Variants in TRIM50 observed in about 807,000 individuals in gnomAD.
TRIM50 encodes the protein E3 ubiquitin-protein ligase TRIM50.
In TRIM50, 34 loss-of-function variants were observed where a neutral mutation model predicts 44.9. The observed-to-expected ratio is 0.76, with a 90% CI of 0.58 to 1.01. TRIM50 has a LOEUF of 1.01. Ranked by LOEUF, TRIM50 falls within the 50% of genes least tolerant of loss-of-function variation. The pLI is 0.00. For synonymous variants in TRIM50, 307 were observed against 291.1 expected (o/e 1.05, Z -0.56); for missense variants, 633 against 663.7 (o/e 0.95, Z 0.51).
chr7:73,324,173 C>T (rs532814288), intron 2 of TRIM50, among the ~76,000 whole-genome samples: 5 of 152,152 alleles, frequency 3.3e-5, no homozygotes, highest in East Asian at 1.9e-4. Context: ...GGGGTGAGCA[C>T]GTGACACCAG....
chr7:73,316,460 C>T (rs1804360223), intron 6 of TRIM50, 105 bp downstream of exon 6: 2 of 1,482,058 alleles, frequency 1.3e-6, no homozygotes, highest in Non-Finnish European at 1.8e-6. Flanking sequence ...CTCCACAAAC[C>T]TCCATCTGAG....
Position 73,313,786 on chromosome 7 carries a change from C to G in TRIM50, c.875-276G>C, listed in dbSNP as rs550685395. Among the ~76,000 whole-genome samples, 7 of 152,266 alleles carry G rather than the reference C, an allele frequency of 4.6e-5. No homozygotes were observed. Among genetic ancestry groups the G allele is most frequent in the African/African-American group, 1.4e-4 (6 of 41,562 alleles). ...AAAACAGTGTTTATATAAAAGGGAG[C>G]AGCTTGGTGGGCTGTGGGGGGCTGA... On this transcript the variant is annotated intron_variant, in intron 6 of 6. Transcript: ENST00000333149. The surrounding 1 kb of genome is among the most constrained non-coding windows in gnomAD (Gnocchi z 4.9).
intron 6 of TRIM50, among the ~76,000 whole-genome samples, chr7:73,315,437 C>T (rs1162654065): frequency 6.6e-6 from 1 of 151,522 alleles, no homozygotes; most frequent in South Asian, 2.1e-4. Flanking sequence ...TAGCTCACTG[C>T]AGCCTCCCAA....
In TRIM50 at chr7:73,327,972, G is replaced by A. The variant is rs1804681221; in HGVS notation, c.-91C>T. The A allele has an allele frequency of 1.8e-6, 1 of 562,762 alleles. No homozygotes were observed. The highest frequency in any genetic ancestry group is 3.2e-6 in the Non-Finnish European group (1 of 313,150). The allele number at this position is 562,762 out of a possible 1,614,324, so 34.9% of individuals were successfully genotyped here. ...AGTTAGATGCCCCATCCTGCCCCGCGAGCTCCAATTACGTGCCCCACCTAA... is the reference window on the plus strand; with the variant it reads ...AGTTAGATGCCCCATCCTGCCCCGCAAGCTCCAATTACGTGCCCCACCTAA... On this transcript the variant is annotated 5_prime_UTR_variant, in exon 1 of 7. Transcript: ENST00000333149.
Position 73,312,862 on chromosome 7 carries a change from C to G in TRIM50, c.*59G>C. 1.5e-6 allele frequency: 2 copies of G among 1,370,000 alleles called. No homozygotes were observed. The highest frequency in any genetic ancestry group is 9.7e-7 in the Non-Finnish European group (1 of 1,031,916). The allele number at this position is 1,370,000 out of a possible 1,614,324, so 84.9% of individuals were successfully genotyped here. On this transcript the variant is annotated 3_prime_UTR_variant, in exon 7 of 7. Transcript: ENST00000333149. ...CCTCAGGCGGGACCCAGCAGAAGCC[C>G]GCGAGTCCCCGGTGCCCCGCCGGGA...
intron 1 of TRIM50, among the ~76,000 whole-genome samples, chr7:73,326,299 C>T (rs1804624586): frequency 6.6e-6 from 1 of 150,386 alleles, no homozygotes; most frequent in South Asian, 2.1e-4. Context: ...ACAGGGGTCT[C>T]GCTTTGTTGC....
intron 3 of TRIM50, among the ~76,000 whole-genome samples, 178 bp from the exon 4 acceptor site, chr7:73,319,230 C>G (rs1554544706): frequency 6.6e-6 from 1 of 152,210 alleles, no homozygotes. Flanking sequence ...GGAGCCCTGG[C>G]GGTGGCCGTG....
chr7:73,318,422 C>T (rs1161556549), intron 5 of TRIM50, among the ~76,000 whole-genome samples: 6 of 152,338 alleles, frequency 3.9e-5, no homozygotes, highest in African/African-American at 1.4e-4. Context: ...CAGGCATGAG[C>T]TACCCTCCTC....
In TRIM50 at chr7:73,324,373, C is replaced by A; in HGVS notation, c.399+16G>T. 2 of 1,614,016 alleles carry A rather than the reference C, an allele frequency of 1.2e-6. No individual in the cohort carries two copies. Among genetic ancestry groups the A allele is most frequent in the Non-Finnish European group, 1.7e-6 (2 of 1,180,036 alleles). ...CCGCGGGCCTCTCCAGCCGCCCCTG[C>A]ACCCTCACTCCCCACCTTCATGCGG... On this transcript the variant is annotated intron_variant, in intron 2 of 6. Transcript: ENST00000333149.
chr7:73,319,669 G>A (rs1316475615), intron 3 of TRIM50, among the ~76,000 whole-genome samples: 9 of 152,184 alleles, frequency 5.9e-5, no homozygotes, highest in Non-Finnish European at 1.2e-4. Flanking sequence ...GATCTTGCCC[G>A]GCTCCTGTTT....
chr7:73,320,324 C>G (rs1554544869), intron 2 of TRIM50, 82 bp from the exon 3 acceptor site: 7 of 1,601,118 alleles, frequency 4.4e-6, no homozygotes, highest in Non-Finnish European at 3.4e-6. Context: ...GGGAGTATCC[C>G]AATGGCCACA....
chr7:73,327,162 T>G (rs1170333331), intron 1 of TRIM50, among the ~76,000 whole-genome samples: 1 of 152,156 alleles, frequency 6.6e-6, no homozygotes, highest in East Asian at 1.9e-4. Flanking sequence ...TAATTTCATG[T>G]GTTGGAAACT....
At position 73,312,844 on chromosome 7, in the gene TRIM50, C is replaced by T. The variant is rs1804251523; in HGVS notation, c.*77G>A. 5.1e-6 allele frequency: 6 copies of T among 1,184,234 alleles called. No homozygotes were observed. The highest frequency in any genetic ancestry group is 4.7e-5 in the South Asian group (3 of 63,458). 73.4% of individuals were successfully genotyped at this position (1,184,234 alleles called of 1,614,324 possible). Reference sequence around the variant, plus strand: ...TAAACAGTGACGATATCACCTCAGGCGGGACCCAGCAGAAGCCCGCGAGTC... The same window carrying T: ...TAAACAGTGACGATATCACCTCAGGTGGGACCCAGCAGAAGCCCGCGAGTC... On this transcript the variant is annotated 3_prime_UTR_variant, in exon 7 of 7. Coordinates refer to ENST00000333149, the MANE Select transcript of TRIM50 (RefSeq NM_178125.3).
In TRIM50 at chr7:73,316,478, T is replaced by C; in HGVS notation, c.874+87A>G. Reference sequence around the variant, plus strand: ...CACAAACCTCCATCTGAGTTCTCTGTAGCTTATTATCTCTCTGATACAATC... The same window carrying C: ...CACAAACCTCCATCTGAGTTCTCTGCAGCTTATTATCTCTCTGATACAATC... On this transcript the variant is annotated intron_variant, in intron 6 of 6. Coordinates refer to ENST00000333149, the MANE Select transcript of TRIM50 (RefSeq NM_178125.3). 6.5e-6 allele frequency: 10 copies of C among 1,548,532 alleles called. No homozygotes were observed. The South Asian group carries it at 1.2e-4, about 19-fold the overall frequency.
At position 73,314,530 on chromosome 7, in the gene TRIM50, C is replaced by T. The variant is rs1215958783; in HGVS notation, c.875-1020G>A. On this transcript the variant is annotated intron_variant, in intron 6 of 6. Transcript: ENST00000333149. ...CTGTCCTTGGAGCAGGAATTAACAC[C>T]GTCACCACCTTGATGGAGAACAAGA... 2.0e-5 allele frequency: 7 copies of T among 352,572 alleles called. No homozygotes were observed. The Admixed American group carries it at 2.3e-4, about 12-fold the overall frequency. The allele number at this position is 352,572 out of a possible 1,614,324, so 21.8% of individuals were successfully genotyped here.
intron 5 of TRIM50, chr7:73,317,047 G>A (rs1324631132): frequency 3.1e-4 from 54 of 175,700 alleles, no homozygotes; most frequent in Middle Eastern, 2.3e-3. Context: ...AATTATGGGG[G>A]CCAAGTAATG....
chr7:73,314,196 C>A, intron 6 of TRIM50: 1 of 375,356 alleles, frequency 2.7e-6, no homozygotes, highest in Non-Finnish European at 4.9e-6. Context: ...TGGTTTATCC[C>A]GTTTGAGAAA....
At chr7:73,319,403 C>G (rs1804440354) in intron 3 of TRIM50, among the ~76,000 whole-genome samples, 1 of 152,156 alleles carries the variant, frequency 6.6e-6, no homozygotes, top group East Asian at 1.9e-4. Flanking sequence ...AAGCAATCCT[C>G]CCGCCTCAGC....
chr7:73,316,501 A>G, intron 6 of TRIM50, 64 bp downstream of exon 6: 1 of 1,598,446 alleles, frequency 6.3e-7, no homozygotes, highest in Admixed American at 1.7e-5. Context: ...CTCTGATACA[A>G]TCGATGAACT....
Sources: gnomAD v4.1 joint callset for allele counts (sites outside exome capture counted in the v4.1 genomes callset) on GRCh38, gnomAD v4.1.1 for gene constraint, Gnocchi (gnomAD v3.1) non-coding constraint, MANE v1.5 for transcripts, NCBI Gene and HGNC (gene_info 2026-07-23, HGNC 2026-07-21) for gene names.